The following GABRA2 variants were observed in gnomAD, a reference collection of about 807,000 sequenced individuals.
The protein encoded by GABRA2 is gamma-aminobutyric acid receptor subunit alpha-2.
Under a neutral mutation model 48.7 loss-of-function variants are expected in GABRA2, and 16 were observed. The ratio of observed to expected loss-of-function variants is 0.33; its 90% CI spans 0.22 to 0.50. The LOEUF (loss-of-function observed/expected upper bound fraction) is 0.50. GABRA2 is among the 20% of genes least tolerant of loss of function. The probability of loss-of-function intolerance (pLI) is 0.98; values close to 1 mark genes in which losing one functional copy is unlikely to be tolerated. For missense variants in GABRA2, 275 were observed against 535.6 expected (o/e 0.51, Z 4.80); for synonymous variants, 185 against 184.5 (o/e 1.00, Z -0.02).
chr4:46,317,686 G>A (rs933249569), intron 4 of GABRA2, among the ~76,000 whole-genome samples: 2 of 151,162 alleles, frequency 1.3e-5, no homozygotes, highest in African/African-American at 2.4e-5. Context: ...TTGTACAAAC[G>A]AAAGTGGGAA....
At position 46,345,159 on chromosome 4, in the gene GABRA2, A is replaced by G. The variant is rs577905389; in HGVS notation, c.188-12477T>C. On this transcript the variant is annotated intron_variant, in intron 3 of 9. Transcript: ENST00000381620. ...TGTTCACACTCTCTCACCTGCTACC[A>G]TGTAAGATGTGCCTCTTCCCCTTCC... Among the ~76,000 whole-genome samples, 143 of 151,986 alleles carry G rather than the reference A, an allele frequency of 9.4e-4. 2 individuals are homozygous for G. Among genetic ancestry groups the G allele is most frequent in the African/African-American group, 3.3e-3 (139 of 41,516 alleles).
intron 3 of GABRA2, among the ~76,000 whole-genome samples, chr4:46,354,325 A>G (rs1735634532): frequency 6.6e-6 from 1 of 152,180 alleles, no homozygotes. Context: ...CTGCATAATC[A>G]TGAGTTTCTG....
At chr4:46,268,126 T>C (rs1718619070) in intron 8 of GABRA2, among the ~76,000 whole-genome samples, 1 of 151,884 alleles carries the variant, frequency 6.6e-6, no homozygotes, top group South Asian at 2.1e-4. Context: ...AAAAGGTATA[T>C]GACATTAGTT....
intron 4 of GABRA2, among the ~76,000 whole-genome samples, chr4:46,316,731 ATAT>A (rs1728616697): frequency 6.6e-6 from 1 of 151,934 alleles, no homozygotes; most frequent in Non-Finnish European, 1.5e-5. Flanking sequence ...GTAATAAATA[ATAT>A]ATGTTCATGT....
At chr4:46,300,230 C>T (rs1725497420) in intron 8 of GABRA2, among the ~76,000 whole-genome samples, 1 of 151,924 alleles carries the variant, frequency 6.6e-6, no homozygotes, top group Non-Finnish European at 1.5e-5. Flanking sequence ...TAACCTTCTA[C>T]TAGTCAAATT....
chr4:46,254,163 ACTG>A (rs1020733197), intron 9 of GABRA2, among the ~76,000 whole-genome samples: 54 of 151,642 alleles, frequency 3.6e-4, no homozygotes, highest in African/African-American at 1.2e-3. Context: ...TTCACTATTG[ACTG>A]CTATTAAAAA....
intron 3 of GABRA2, among the ~76,000 whole-genome samples, chr4:46,346,837 A>T (rs1734217313): frequency 6.6e-6 from 1 of 151,802 alleles, no homozygotes; most frequent in Non-Finnish European, 1.5e-5. Context: ...GTGGGAAAAA[A>T]AGAAGTGAAA....
chr4:46,275,622 G>T (rs1720336118), intron 8 of GABRA2, among the ~76,000 whole-genome samples: 1 of 152,042 alleles, frequency 6.6e-6, no homozygotes, highest in Admixed American at 6.6e-5. Context: ...AATAGCAGGA[G>T]ACCATCAAAA....
At chr4:46,359,150 T>C (rs1712716978) in intron 3 of GABRA2, among the ~76,000 whole-genome samples, 2 of 152,208 alleles carry the variant, frequency 1.3e-5, no homozygotes, top group South Asian at 4.2e-4. Flanking sequence ...TGACCCAAAG[T>C]TTACCAAAAT....
intron 8 of GABRA2, among the ~76,000 whole-genome samples, chr4:46,300,474 A>G (rs987244933): frequency 4.6e-5 from 7 of 151,826 alleles, no homozygotes; most frequent in African/African-American, 1.7e-4. Flanking sequence ...TCACCCACCT[A>G]ATTTTTCTTG....
intron 3 of GABRA2, chr4:46,365,034 A>G (rs1337293914): frequency 6.6e-6 from 1 of 152,202 alleles, no homozygotes; most frequent in Middle Eastern, 3.2e-3. Context: ...AATCATAAGT[A>G]ATCATGATTA....
rs183466042 is a variant in GABRA2 at position 46,310,724 on chromosome 4, C to T, written c.477-469G>A. 1.9e-3 allele frequency among the ~76,000 whole-genome samples: 291 copies of T among 152,218 alleles called. 1 individual carries two copies. The highest frequency in any genetic ancestry group is 6.3e-3 in the African/African-American group (261 of 41,540). On this transcript the variant is annotated intron_variant, in intron 5 of 9. Transcript: ENST00000381620. ...AATTGTGAATTGTTACTGTATACTG[C>T]ATATATATTCACAGCTATACATATA...
chr4:46,379,368 C>T (rs980026728), intron 3 of GABRA2, among the ~76,000 whole-genome samples: 23 of 152,134 alleles, frequency 1.5e-4, no homozygotes, highest in Non-Finnish European at 2.9e-4. Flanking sequence ...CCACTTCAGG[C>T]ACCCAAGCAC....
At chr4:46,365,416 T>C (rs1713885875) in intron 3 of GABRA2, 1 of 152,142 alleles carries the variant, frequency 6.6e-6, no homozygotes, top group South Asian at 2.1e-4. Flanking sequence ...CCATGAACTC[T>C]CTTAGTAAAA....
intron 8 of GABRA2, among the ~76,000 whole-genome samples, chr4:46,273,043 CT>C (rs1396711189): frequency 7.8e-6 from 1 of 128,358 alleles, no homozygotes; most frequent in Non-Finnish European, 1.6e-5. Context: ...TATTCCTCCC[CT>C]AGCCCCCCAC....
intron 4 of GABRA2, among the ~76,000 whole-genome samples, chr4:46,315,729 CT>C (rs1428389541): frequency 1.3e-5 from 2 of 152,024 alleles, no homozygotes; most frequent in Non-Finnish European, 2.9e-5. Flanking sequence ...GTTCTATTTT[CT>C]TTTTGTTTTT....
intron 1 of GABRA2, chr4:46,389,077 G>C (rs959594560): frequency 1.6e-5 from 16 of 1,012,706 alleles, no homozygotes; most frequent in Non-Finnish European, 1.9e-5. Context: ...TGGCATAGCA[G>C]CTGGAAAGGG....
At chr4:46,298,419 G>A (rs984270099) in intron 8 of GABRA2, among the ~76,000 whole-genome samples, 40 of 151,860 alleles carry the variant, frequency 2.6e-4, no homozygotes, top group African/African-American at 9.7e-4. Context: ...GGGTGTATGT[G>A]GGCTTTGTTT....
chr4:46,360,374 G>A (rs936424706), intron 3 of GABRA2, among the ~76,000 whole-genome samples: 2 of 152,170 alleles, frequency 1.3e-5, no homozygotes, highest in Non-Finnish European at 2.9e-5. Flanking sequence ...TCTCATGATA[G>A]TGAATAAGTG....
Sources: gnomAD v4.1 joint callset for allele counts (sites outside exome capture counted in the v4.1 genomes callset) on GRCh38, gnomAD v4.1.1 for gene constraint, MANE v1.5 for transcripts, NCBI Gene and HGNC (gene_info 2026-07-23, HGNC 2026-07-21) for gene names.